DNAJC18: variants seen among roughly 807,000 people sequenced by gnomAD.
DNAJC18 encodes dnaJ homolog subfamily C member 18.
Under a neutral mutation model 48.6 loss-of-function variants are expected in DNAJC18, and 40 were observed. The ratio of observed to expected loss-of-function variants is 0.82; its 90% CI spans 0.64 to 1.07. The LOEUF (loss-of-function observed/expected upper bound fraction) is 1.07. Ranked by LOEUF, DNAJC18 falls within the 50% of genes least tolerant of loss-of-function variation. The pLI is 0.00. For synonymous variants in DNAJC18, 135 were observed against 152.2 expected (o/e 0.89, Z 0.83); for missense variants, 340 against 427.7 (o/e 0.79, Z 1.81).
Position 139,412,871 on chromosome 5 carries a change from G to T in DNAJC18, c.*1277C>A, listed in dbSNP as rs562896468. 2 of 398,556 alleles carry T rather than the reference G, an allele frequency of 5.0e-6. No individual in the cohort carries two copies. The highest frequency in any genetic ancestry group is 2.5e-4 in the South Asian group (2 of 7,854). The allele number at this position is 398,556 out of a possible 1,614,324, so 24.7% of individuals were successfully genotyped here. A position where few individuals can be genotyped will look rare whatever the true frequency, so the allele number is the denominator to read the frequency against. Reference sequence around the variant, plus strand: ...CCACAGAAAAGATGAGGGGTCATGGGGTTGGGGAGGACGGAGGCATCCTCG... The same window carrying T: ...CCACAGAAAAGATGAGGGGTCATGGTGTTGGGGAGGACGGAGGCATCCTCG... On this transcript the variant is annotated 3_prime_UTR_variant, in exon 8 of 8. Coordinates refer to ENST00000302060, the MANE Select transcript of DNAJC18 (RefSeq NM_152686.4).
intron 6 of DNAJC18, among the ~76,000 whole-genome samples, chr5:139,421,337 T>C (rs1389164770): frequency 6.6e-6 from 1 of 152,044 alleles, no homozygotes; most frequent in Non-Finnish European, 1.5e-5. Flanking sequence ...TAATCCCAGC[T>C]ACTCAGGAGG....
chr5:139,425,619 T>A (rs1297398436), intron 4 of DNAJC18, among the ~76,000 whole-genome samples: 1 of 152,188 alleles, frequency 6.6e-6, no homozygotes, highest in Admixed American at 6.5e-5. Context: ...ATTTAAATAG[T>A]CCTTTGCAAC....
intron 2 of DNAJC18, among the ~76,000 whole-genome samples, chr5:139,433,873 T>C (rs1231951360): frequency 2.6e-5 from 4 of 152,224 alleles, no homozygotes; most frequent in Non-Finnish European, 5.9e-5. Flanking sequence ...CCATGCTCCA[T>C]GGTTTGTGAG....
Position 139,428,641 on chromosome 5 carries a change from A to C in DNAJC18, c.270T>G (p.Ser90=). ...CRNYYEILGV[S]RDASDEELKK... The stretch of plus-strand genomic sequence containing the variant: ...TAAGCTCTTCGTCACTAGCATCTCG[A>C]GAAACTCCCAGAATTTCATAGTAAT... The change falls in exon 3 of 8, where the codon TCT becomes TCG. Residue 90 remains serine (S), a synonymous_variant. Transcript: ENST00000302060. The C allele has an allele frequency of 6.2e-7, 1 of 1,612,310 alleles. No individual in the cohort carries two copies.
intron 6 of DNAJC18, among the ~76,000 whole-genome samples, chr5:139,421,060 A>T (rs1057222858): frequency 6.6e-6 from 1 of 152,036 alleles, no homozygotes; most frequent in Admixed American, 6.6e-5. Context: ...GTCCGTGCTT[A>T]CCCCGCTGGC....
At chr5:139,435,019 C>G (rs1251497316) in intron 2 of DNAJC18, among the ~76,000 whole-genome samples, 3 of 152,078 alleles carry the variant, frequency 2.0e-5, no homozygotes. Flanking sequence ...TGGACTTTAT[C>G]AGGTCGAGGA....
At chr5:139,419,652 C>T (rs1354911885) in intron 7 of DNAJC18, among the ~76,000 whole-genome samples, 1 of 151,872 alleles carries the variant, frequency 6.6e-6, no homozygotes, top group African/African-American at 2.4e-5. Flanking sequence ...ACTGGTGAGA[C>T]TGGGGAATTT....
chr5:139,435,361 AAG>A (rs1002553606), intron 2 of DNAJC18, among the ~76,000 whole-genome samples: 43 of 152,268 alleles, frequency 2.8e-4, no homozygotes, highest in African/African-American at 9.4e-4. Flanking sequence ...TCAAAAAAAA[AAG>A]AGTGTTGGAT....
At chr5:139,434,383 G>C (rs1231773531) in intron 2 of DNAJC18, among the ~76,000 whole-genome samples, 1 of 152,138 alleles carries the variant, frequency 6.6e-6, no homozygotes, top group African/African-American at 2.4e-5. Context: ...GATTGCAGTA[G>C]GGTGATCATA....
intron 6 of DNAJC18, among the ~76,000 whole-genome samples, chr5:139,421,246 G>A (rs1048298819): frequency 2.6e-5 from 4 of 151,752 alleles, no homozygotes; most frequent in East Asian, 1.9e-4. Flanking sequence ...TCAGGCGTTC[G>A]AGACCAGCCC....
At chr5:139,436,519 T>C (rs1019814714) in intron 2 of DNAJC18, among the ~76,000 whole-genome samples, 4 of 139,568 alleles carry the variant, frequency 2.9e-5, no homozygotes, top group Admixed American at 7.0e-5. Flanking sequence ...CTCTTTCTTT[T>C]TTTTTTTTTT....
chr5:139,421,000 C>T (rs1230587300), intron 6 of DNAJC18, among the ~76,000 whole-genome samples: 1 of 152,200 alleles, frequency 6.6e-6, no homozygotes, highest in African/African-American at 2.4e-5. Context: ...GAGCTGAAGC[C>T]ATGACTGCTC....
At chr5:139,426,665 T>G (rs1224953535) in intron 3 of DNAJC18, among the ~76,000 whole-genome samples, 1 of 152,184 alleles carries the variant, frequency 6.6e-6, no homozygotes, top group African/African-American at 2.4e-5. Context: ...CAGTTCGGGT[T>G]CCCAGTCACC....
At chr5:139,437,337 A>G (rs368638121) in intron 2 of DNAJC18, 35 bp downstream of exon 2, 6 of 1,561,034 alleles carry the variant, frequency 3.8e-6, no homozygotes, top group Non-Finnish European at 5.2e-6. Context: ...AGCACTTTCC[A>G]TAAAATCACT....
intron 2 of DNAJC18, among the ~76,000 whole-genome samples, chr5:139,435,268 G>A (rs992308856): frequency 2.0e-5 from 3 of 152,060 alleles, no homozygotes; most frequent in African/African-American, 4.8e-5. Flanking sequence ...CCAGAGAATC[G>A]CTTGAACCTG....
Position 139,410,562 on chromosome 5 carries a change from G to A in DNAJC18, c.*3586C>T, listed in dbSNP as rs1178917718. ...AGGGCAGAATAAATATGAATGAAGT[G>A]CAAGCTCCTGTGAGGAGCAGTGCAT... On this transcript the variant is annotated 3_prime_UTR_variant, in exon 8 of 8. Transcript: ENST00000302060. 1 of 152,128 alleles carries A rather than the reference G, an allele frequency of 6.6e-6. No individual in the cohort carries two copies. The highest frequency in any genetic ancestry group is 2.4e-5 in the African/African-American group (1 of 41,420). 9.4% of individuals were successfully genotyped at this position (152,128 alleles called of 1,614,324 possible).
Position 139,411,917 on chromosome 5 carries a change from GT to G in DNAJC18, c.*2230del, listed in dbSNP as rs1233652187. On this transcript the variant is annotated 3_prime_UTR_variant, in exon 8 of 8. Transcript: ENST00000302060. ...GGGAGAGGAGAGCTTTGATTTTTTT[GT>G]GTGTAGAAGAACTTTCCATAAGCCT... 6.6e-6 allele frequency: 1 copy of G among 152,052 alleles called. No individual in the cohort carries two copies. The highest frequency in any genetic ancestry group is 1.5e-5 in the Non-Finnish European group (1 of 68,006). The allele number at this position is 152,052 out of a possible 1,614,324, so 9.4% of individuals were successfully genotyped here. A position where few individuals can be genotyped will look rare whatever the true frequency, so the allele number is the denominator to read the frequency against.
intron 7 of DNAJC18, 61 bp downstream of exon 7, chr5:139,419,992 T>C (rs1759126074): frequency 1.4e-6 from 2 of 1,450,434 alleles, no homozygotes; most frequent in East Asian, 2.5e-5. Context: ...ATCAGGAGGC[T>C]GGGGGTGCCT....
At chr5:139,438,355 A>AT (rs1329397017) in intron 1 of DNAJC18, among the ~76,000 whole-genome samples, 36 of 149,490 alleles carry the variant, frequency 2.4e-4, no homozygotes, top group African/African-American at 2.4e-5. Context: ...TTTTTTTGCA[A>AT]TTTTTTTAAA....
Sources: gnomAD v4.1 joint callset for allele counts (sites outside exome capture counted in the v4.1 genomes callset) on GRCh38, gnomAD v4.1.1 for gene constraint, MANE v1.5 for transcripts, NCBI Gene and HGNC (gene_info 2026-07-23, HGNC 2026-07-21) for gene names.